Variants in CHN2 observed in about 807,000 individuals in gnomAD.
CHN2 encodes beta-chimaerin.
A neutral mutation model predicts 56.3 loss-of-function variants in CHN2; 35 were observed. That is an observed-to-expected ratio of 0.62 (90% confidence interval 0.47 to 0.82). The LOEUF (loss-of-function observed/expected upper bound fraction) is 0.82, where lower values mean the gene tolerates loss of function less well. Among genes scored for constraint, CHN2 ranks in the 40% least tolerant of loss-of-function variants. The pLI is 0.00. For missense variants in CHN2, 491 were observed against 580.5 expected (o/e 0.85, Z 1.58); for synonymous variants, 210 against 212.8 (o/e 0.99, Z 0.12).
intron 2 of CHN2, among the ~76,000 whole-genome samples, chr7:29,358,785 G>A (rs962040836): frequency 1.6e-4 from 25 of 152,162 alleles, no homozygotes; most frequent in Non-Finnish European, 2.6e-4. Flanking sequence ...TTTAAGAAGC[G>A]GTTTCTACGT....
chr7:29,431,083 C>T (rs896346184), intron 6 of CHN2, among the ~76,000 whole-genome samples: 9 of 152,136 alleles, frequency 5.9e-5, no homozygotes, highest in Admixed American at 1.3e-4. Flanking sequence ...AACCAGTAAG[C>T]GTACCTGGTA....
chr7:29,254,920 A>C (rs1009089771), intron 1 of CHN2, among the ~76,000 whole-genome samples: 4 of 152,158 alleles, frequency 2.6e-5, no homozygotes, highest in African/African-American at 4.8e-5. Flanking sequence ...GTGCTCAACT[A>C]GCAACACCCT....
At chr7:29,489,546 G>C (rs1788418615) in intron 7 of CHN2, among the ~76,000 whole-genome samples, 1 of 152,192 alleles carries the variant, frequency 6.6e-6, no homozygotes, top group Admixed American at 6.5e-5. Flanking sequence ...TCTGTCTAGA[G>C]ATTGTCCTTG....
At chr7:29,312,664 T>G (rs1039630872) in intron 1 of CHN2, among the ~76,000 whole-genome samples, 13 of 152,270 alleles carry the variant, frequency 8.5e-5, no homozygotes, top group African/African-American at 2.6e-4. Flanking sequence ...CTTACTGCCG[T>G]AGAGAGAGTG....
intron 1 of CHN2, among the ~76,000 whole-genome samples, chr7:29,288,204 T>C (rs1190173892): frequency 6.6e-6 from 1 of 152,174 alleles, no homozygotes; most frequent in South Asian, 2.1e-4. Flanking sequence ...GGAATCTCCA[T>C]TGGGTTCAGC....
chr7:29,381,541 C>T (rs927281661), intron 3 of CHN2, among the ~76,000 whole-genome samples: 1 of 151,914 alleles, frequency 6.6e-6, no homozygotes, highest in East Asian at 1.9e-4. Context: ...TTTGGGTGTT[C>T]CTGGAAGCCC....
At chr7:29,293,321 C>T (rs1435210996) in intron 1 of CHN2, among the ~76,000 whole-genome samples, 1 of 150,508 alleles carries the variant, frequency 6.6e-6, no homozygotes, top group Admixed American at 6.6e-5. Flanking sequence ...CGGGCTTTGA[C>T]CCATCACTCT....
At chr7:29,273,366 TATATATATATATATATATATATAC>T (rs1243389899) in intron 1 of CHN2, among the ~76,000 whole-genome samples, 3,077 of 53,838 alleles carry the variant, frequency 0.057, 205 homozygotes, top group East Asian at 0.29. Context: ...TATATATATA[TATATATATATATATATATATATAC>T]ACACACCACA....
chr7:29,480,036 G>A (rs947118589), intron 6 of CHN2: 34 of 1,529,672 alleles, frequency 2.2e-5, no homozygotes, highest in South Asian at 3.7e-5. Flanking sequence ...CATAAGCTGC[G>A]GTTCGAAAAT....
chr7:29,301,961 C>T (rs969453541), intron 1 of CHN2, among the ~76,000 whole-genome samples: 1 of 152,134 alleles, frequency 6.6e-6, no homozygotes, highest in Non-Finnish European at 1.5e-5. Flanking sequence ...GGCAAAACAC[C>T]ATCCTGTCTA....
At chr7:29,480,779 TTTG>T (rs1381122582) in intron 7 of CHN2, among the ~76,000 whole-genome samples, 6 of 152,234 alleles carry the variant, frequency 3.9e-5, no homozygotes, top group Admixed American at 3.9e-4. Context: ...TGTTTTGTCT[TTTG>T]TTTTCAGTGA....
chr7:29,226,506 T>G (rs1786212023), intron 1 of CHN2, among the ~76,000 whole-genome samples: 1 of 152,220 alleles, frequency 6.6e-6, no homozygotes. Flanking sequence ...ATCCTATTTA[T>G]TTTCAGTGCA....
intron 2 of CHN2, among the ~76,000 whole-genome samples, chr7:29,358,474 C>A (rs147122502): frequency 7.3e-6 from 1 of 137,164 alleles, no homozygotes; most frequent in Non-Finnish European, 1.7e-5. Flanking sequence ...TATTTATTTT[C>A]TTTTTTGAGA....
intron 1 of CHN2, among the ~76,000 whole-genome samples, chr7:29,197,125 G>A (rs543074337): frequency 6.6e-6 from 1 of 152,314 alleles, no homozygotes; most frequent in African/African-American, 2.4e-5. Flanking sequence ...TGGGCAGAAA[G>A]AATAGAGTCT....
intron 3 of CHN2, among the ~76,000 whole-genome samples, chr7:29,384,265 T>C (rs1031545557): frequency 1.3e-5 from 2 of 152,202 alleles, no homozygotes; most frequent in Non-Finnish European, 2.9e-5. Flanking sequence ...GTACATTATA[T>C]CTGTTATCCT....
intron 2 of CHN2, among the ~76,000 whole-genome samples, chr7:29,184,720 A>G (rs1798501758): frequency 6.6e-6 from 1 of 152,212 alleles, no homozygotes; most frequent in South Asian, 2.1e-4. Flanking sequence ...ATTTAAATTT[A>G]ACTTCATTCA....
intron 6 of CHN2, among the ~76,000 whole-genome samples, chr7:29,440,020 C>A (rs910213353): frequency 2.6e-5 from 4 of 152,162 alleles, no homozygotes; most frequent in Non-Finnish European, 5.9e-5. Flanking sequence ...AAACCACATA[C>A]TGGTGACAAG....
chr7:29,304,317 A>G (rs931672926), intron 1 of CHN2, among the ~76,000 whole-genome samples: 16 of 152,232 alleles, frequency 1.1e-4, no homozygotes, highest in African/African-American at 3.9e-4. Context: ...GGAGATTTAT[A>G]TGGTGCGAGA....
intron 2 of CHN2, among the ~76,000 whole-genome samples, chr7:29,149,189 CTTTTTTTTT>C (rs60520174): frequency 1.4e-4 from 14 of 100,340 alleles, no homozygotes; most frequent in Non-Finnish European, 2.2e-4. Context: ...GTCTGTTTCC[CTTTTTTTTT>C]TTTTTTTTTT....
Sources: allele counts gnomAD v4.1 joint callset (sites outside exome capture counted in the v4.1 genomes callset), GRCh38; gene constraint gnomAD v4.1.1; transcripts MANE v1.5; gene names NCBI Gene and HGNC (gene_info 2026-07-23, HGNC 2026-07-21).